RORA: variants seen among roughly 807,000 people sequenced by gnomAD.
RORA encodes RAR related orphan receptor A.
RORA carries 7 observed loss-of-function variants against 69.5 expected under a neutral mutation model. The observed-to-expected ratio is 0.10, with a 90% CI of 0.06 to 0.19. RORA has a LOEUF of 0.19. Among genes scored for constraint, RORA ranks in the 10% least tolerant of loss-of-function variants. The pLI is 1.00. For missense variants in RORA, 457 were observed against 663.0 expected, an observed-to-expected ratio of 0.69 and a Z score of 3.41; for synonymous variants, 261 against 240.8, an observed-to-expected ratio of 1.08 and a Z score of -0.78.
At chr15:60,752,083 A>G (rs1473874406) in intron 1 of RORA, among the ~76,000 whole-genome samples, 1 of 150,848 alleles carries the variant, frequency 6.6e-6, no homozygotes, top group African/African-American at 2.4e-5. Flanking sequence ...GTCTTCTTTG[A>G]CTTGCTAAAA....
intron 2 of RORA, among the ~76,000 whole-genome samples, chr15:60,574,287 C>T (rs1478427310): frequency 6.6e-6 from 1 of 152,200 alleles, no homozygotes; most frequent in African/African-American, 2.4e-5. Context: ...ATGTGGTAAT[C>T]CATTTCATGG....
chr15:61,078,696 C>CT (rs2078490742), intron 1 of RORA, among the ~76,000 whole-genome samples: 1 of 152,072 alleles, frequency 6.6e-6, no homozygotes, highest in Admixed American at 6.6e-5. Context: ...CTCTTATACT[C>CT]TATTAATGGC....
intron 1 of RORA, among the ~76,000 whole-genome samples, chr15:60,775,962 C>T (rs558103595): frequency 1.3e-5 from 2 of 152,324 alleles, no homozygotes; most frequent in South Asian, 4.1e-4. Flanking sequence ...TCCTCCATCC[C>T]TAAGTGCCAG....
chr15:60,932,477 T>C (rs1388117968), intron 1 of RORA, among the ~76,000 whole-genome samples: 2 of 152,258 alleles, frequency 1.3e-5, no homozygotes, highest in East Asian at 1.9e-4. Flanking sequence ...TGTTAAAAAG[T>C]TTCATTTGTT....
At chr15:60,539,043 A>G (rs1034180487) in intron 2 of RORA, among the ~76,000 whole-genome samples, 24 of 151,320 alleles carry the variant, frequency 1.6e-4, no homozygotes, top group African/African-American at 5.6e-4. Context: ...AACCATCAAG[A>G]GATCAAACAT....
intron 1 of RORA, among the ~76,000 whole-genome samples, chr15:60,844,646 G>A (rs1034635367): frequency 1.3e-5 from 2 of 152,330 alleles, no homozygotes; most frequent in African/African-American, 2.4e-5. Flanking sequence ...GGTAAGCCAC[G>A]TGATGATGTG....
intron 1 of RORA, among the ~76,000 whole-genome samples, chr15:61,059,842 A>G (rs2078146903): frequency 6.6e-6 from 1 of 152,056 alleles, no homozygotes; most frequent in Non-Finnish European, 1.5e-5. Context: ...ACTTTCAATA[A>G]TAAAATAATT....
rs941717725 is a variant in RORA at position 60,916,677 on chromosome 15, T to A, written c.167-237991A>T. Among the ~76,000 whole-genome samples the A allele has an allele frequency of 3.3e-5, 5 of 152,070 alleles. No homozygotes were observed. The East Asian group carries it at 9.6e-4, about 29-fold the overall frequency. On this transcript the variant is annotated intron_variant, in intron 1 of 10. Coordinates refer to ENST00000335670, the MANE Select transcript of RORA (RefSeq NM_134261.3). ...TCACATTCAATTAAATCAGAAAAGG[T>A]GATAGGTGAGTATGACACTCAGGCA...
rs72754708 is a variant in RORA, at chr15:60,979,906, A to G, written c.166+249147T>C. ...TCTAATTGCCCTGGCTAAAATTTCT[A>G]GTAAAATGTTGAATAGAAGTGGTGA... On this transcript the variant is annotated intron_variant, in intron 1 of 10. Coordinates refer to ENST00000335670, the MANE Select transcript of RORA (RefSeq NM_134261.3). Among the ~76,000 whole-genome samples, 527 of 152,264 alleles carry G rather than the reference A, an allele frequency of 3.5e-3. 1 individual carries two copies. The highest frequency in any genetic ancestry group is 5.9e-3 in the Non-Finnish European group (399 of 68,008).
chr15:60,583,802 A>C (rs1403236841), intron 2 of RORA, among the ~76,000 whole-genome samples: 2 of 152,186 alleles, frequency 1.3e-5, no homozygotes, highest in Non-Finnish European at 2.9e-5. Flanking sequence ...AGTGAACTAA[A>C]GAGAAGTGAA....
At chr15:61,044,699 A>G (rs1449250308) in intron 1 of RORA, among the ~76,000 whole-genome samples, 2 of 152,128 alleles carry the variant, frequency 1.3e-5, no homozygotes, top group African/African-American at 4.8e-5. Context: ...TTTCCACTGG[A>G]CAGCACTGTT....
At chr15:61,167,482 A>ATTTTTTTTTTTTTTTTT (rs199752865) in intron 1 of RORA, among the ~76,000 whole-genome samples, 5 of 133,682 alleles carry the variant, frequency 3.7e-5, no homozygotes, top group African/African-American at 1.1e-4. Context: ...TTTGACCAGG[A>ATTTTTTTTTTTTTTTTT]TTTTTTTTTT....
chr15:60,707,432 C>A (rs947303467), intron 1 of RORA, among the ~76,000 whole-genome samples: 1 of 151,496 alleles, frequency 6.6e-6, no homozygotes, highest in Non-Finnish European at 1.5e-5. Flanking sequence ...GGCGTGATCT[C>A]GGCTCACTGC....
intron 1 of RORA, among the ~76,000 whole-genome samples, chr15:60,730,027 G>A (rs2071409438): frequency 6.6e-6 from 1 of 152,144 alleles, no homozygotes; most frequent in Non-Finnish European, 1.5e-5. Context: ...TTTATCTCCT[G>A]TTACGCCAGC....
chr15:60,608,510 G>A (rs2069004979), intron 2 of RORA, among the ~76,000 whole-genome samples: 2 of 152,104 alleles, frequency 1.3e-5, no homozygotes, highest in East Asian at 1.9e-4. Flanking sequence ...GGACTTGAAC[G>A]GGGGTTTCTG....
chr15:60,907,129 T>C (rs779303018), intron 1 of RORA, among the ~76,000 whole-genome samples: 7 of 152,048 alleles, frequency 4.6e-5, no homozygotes, highest in Non-Finnish European at 8.8e-5. Context: ...CCACCAACAT[T>C]ATCATCATCA....
chr15:61,092,870 C>A (rs1359945392), intron 1 of RORA, among the ~76,000 whole-genome samples: 1 of 152,182 alleles, frequency 6.6e-6, no homozygotes, highest in African/African-American at 2.4e-5. Context: ...GGAATTCAAG[C>A]TGGAGATTTA....
At chr15:60,990,591 C>A (rs1462482652) in intron 1 of RORA, among the ~76,000 whole-genome samples, 2 of 152,040 alleles carry the variant, frequency 1.3e-5, no homozygotes, top group African/African-American at 4.8e-5. Context: ...GACAGCAGAT[C>A]CTGGAAGAAC....
At chr15:61,222,584 G>A (rs977712588) in intron 1 of RORA, among the ~76,000 whole-genome samples, 1 of 152,080 alleles carries the variant, frequency 6.6e-6, no homozygotes, top group Non-Finnish European at 1.5e-5. Flanking sequence ...AATAATAACT[G>A]GGCTGTCACA....
Sources: gnomAD v4.1 joint callset for allele counts (sites outside exome capture counted in the v4.1 genomes callset) on GRCh38, gnomAD v4.1.1 for gene constraint, MANE v1.5 for transcripts, NCBI Gene and HGNC (gene_info 2026-07-23, HGNC 2026-07-21) for gene names.